Variants in JPT1 observed in about 807,000 individuals in gnomAD.
JPT1 encodes androgen-regulated protein 2.
In JPT1, 5 loss-of-function variants were observed where a neutral mutation model predicts 17.0. That is an observed-to-expected ratio of 0.29 (90% confidence interval 0.15 to 0.62). The LOEUF (loss-of-function observed/expected upper bound fraction) is 0.62. JPT1 is among the 20% of genes least tolerant of loss of function. The probability of loss-of-function intolerance (pLI) is 0.85; values close to 1 mark genes in which losing one functional copy is unlikely to be tolerated. For synonymous variants in JPT1, 71 were observed against 73.6 expected (o/e 0.96, Z 0.18); for missense variants, 158 against 188.1 (o/e 0.84, Z 0.94).
At position 75,154,406 on chromosome 17, in the gene JPT1, G is replaced by A. The variant is rs1381009510; in HGVS notation, c.-9C>T. On this transcript the variant is annotated 5_prime_UTR_variant, in exon 1 of 5. Transcript: ENST00000409753. ...GTGGTGGTTGTGGTCATGGCGCCGAGGAGCGAGGTAGGCTGGCGCCGGAGC... is the reference window on the plus strand; with the variant it reads ...GTGGTGGTTGTGGTCATGGCGCCGAAGAGCGAGGTAGGCTGGCGCCGGAGC... The A allele has an allele frequency of 1.3e-6, 2 of 1,548,400 alleles. No individual in the cohort carries two copies. The highest frequency in any genetic ancestry group is 1.7e-6 in the Non-Finnish European group (2 of 1,145,820).
intron 4 of JPT1, among the ~76,000 whole-genome samples, chr17:75,141,721 G>A (rs2074313054): frequency 6.6e-6 from 1 of 152,042 alleles, no homozygotes; most frequent in Admixed American, 6.6e-5. Context: ...GGACTTAGGA[G>A]TTTGCGACCA....
At chr17:75,140,871 C>T (rs755704712) in intron 4 of JPT1, among the ~76,000 whole-genome samples, 1 of 152,156 alleles carries the variant, frequency 6.6e-6, no homozygotes, top group African/African-American at 2.4e-5. Context: ...GCAGGTGGAT[C>T]ACGAGGTAAG....
chr17:75,140,878 T>C (rs1378714816), intron 4 of JPT1, among the ~76,000 whole-genome samples: 2 of 151,946 alleles, frequency 1.3e-5, no homozygotes, highest in Non-Finnish European at 2.9e-5. Flanking sequence ...GATCACGAGG[T>C]AAGGAGTTCG....
At position 75,148,621 on chromosome 17, in the gene JPT1, T is replaced by G; in HGVS notation, c.107A>C (p.Glu36Ala). 1 of 1,614,130 alleles carries G rather than the reference T, an allele frequency of 6.2e-7. No individual in the cohort carries two copies. Among genetic ancestry groups the G allele is most frequent in the South Asian group, 1.1e-5 (1 of 91,082 alleles). The change falls in exon 2 of 5, where the codon GAA (glutamate) becomes GCA (alanine). Residue 36 changes from glutamate to alanine, a missense_variant. Coordinates refer to ENST00000409753, the MANE Select transcript of JPT1 (RefSeq NM_016185.4). ...CTTCCTCACAGGTTGTTCTGTTGGT[T>G]CATCAAAACCTAATGAAAAATTGGA... ...GGSNFSLGFD[E>A]PTEQPVRKNK... is the part of the protein sequence containing the mutation.
chr17:75,153,147 T>G (rs2074579913), intron 1 of JPT1: 1 of 152,118 alleles, frequency 6.6e-6, no homozygotes, highest in African/African-American at 2.4e-5. Flanking sequence ...CGATGTAAAA[T>G]ACATGCTCAA....
intron 1 of JPT1, among the ~76,000 whole-genome samples, chr17:75,151,386 G>T (rs1005695463): frequency 1.3e-5 from 2 of 151,778 alleles, no homozygotes; most frequent in Non-Finnish European, 2.9e-5. Flanking sequence ...GGTCAGGAGC[G>T]GTGGCTCATG....
rs58993126 is a variant in JPT1, at chr17:75,149,862, TACACAC to T, written c.57-1197_57-1192del. Among the ~76,000 whole-genome samples, 820 of 147,590 alleles carry T rather than the reference TACACAC, an allele frequency of 5.6e-3. 2 individuals carry two copies. Among genetic ancestry groups the T allele is most frequent in the African/African-American group, 7.7e-3 (305 of 39,706 alleles). On this transcript the variant is annotated intron_variant, in intron 1 of 4. Transcript: ENST00000409753. Reference sequence around the variant, plus strand: ...CCCCATCTCTAATCACTTACACACTTACACACACACACACACACACACTTAAGTCAG... The same window carrying T: ...CCCCATCTCTAATCACTTACACACTTACACACACACACACACTTAAGTCAG...
intron 4 of JPT1, among the ~76,000 whole-genome samples, chr17:75,137,664 C>A (rs1418461962): frequency 2.7e-5 from 4 of 148,338 alleles, no homozygotes; most frequent in African/African-American, 1.0e-4. Context: ...CCACCTTCAC[C>A]CTTCACACAG....
At chr17:75,147,945 G>A (rs1325982059) in intron 2 of JPT1, 2 of 367,464 alleles carry the variant, frequency 5.4e-6, no homozygotes, top group Non-Finnish European at 1.0e-5. Flanking sequence ...GTTGTGGTGT[G>A]CCAAGATGGC....
chr17:75,141,897 C>T lies in JPT1; in HGVS notation c.316+4769G>A, dbSNP rs1169643582. ...CAGCCTGGTGAATATGGTGAAACTC[C>T]GTCTCTACTAAAAGTAAAAAAAATA... On this transcript the variant is annotated intron_variant, in intron 4 of 4. Coordinates refer to ENST00000409753, the MANE Select transcript of JPT1 (RefSeq NM_016185.4). Among the ~76,000 whole-genome samples, 3 of 151,370 alleles carry T rather than the reference C, an allele frequency of 2.0e-5. 1 individual carries two copies. The highest frequency in any genetic ancestry group is 4.2e-4 in the South Asian group (2 of 4,768).
At chr17:75,144,996 G>A (rs1265103086) in intron 4 of JPT1, among the ~76,000 whole-genome samples, 1 of 151,748 alleles carries the variant, frequency 6.6e-6, no homozygotes, top group Non-Finnish European at 1.5e-5. Context: ...GAAACACTGT[G>A]AGGCCGGGCG....
rs963129214 is a variant in JPT1 at position 75,146,667 on chromosome 17, A to G, written c.315T>C (p.His105=). Residue 105 remains histidine, a splice_region_variant and synonymous_variant, in exon 4 of 5, where the codon CAT becomes CAC. Transcript: ENST00000409753. The part of the protein sequence containing the change: ...FLDLKGEGDI[H]ENVDTDLPGS... ...AATTTGGTCTTCAGAAGTACTTACC[A>G]TGAATATCACCTTCTCCCTAGAAAA... The G allele has an allele frequency of 1.3e-6, 2 of 1,541,392 alleles. No individual in the cohort carries two copies. Among genetic ancestry groups the G allele is most frequent in the African/African-American group, 2.7e-5 (2 of 73,010 alleles).
intron 1 of JPT1, 130 bp downstream of exon 1, chr17:75,154,212 C>A: frequency 1.6e-6 from 1 of 613,234 alleles, no homozygotes; most frequent in Non-Finnish European, 2.3e-6. Context: ...GGCAGAACCC[C>A]GCCACCCGCC....
At chr17:75,136,431 C>T (rs974976335) in intron 4 of JPT1, among the ~76,000 whole-genome samples, 181 bp from the exon 5 acceptor site, 7 of 152,186 alleles carry the variant, frequency 4.6e-5, no homozygotes, top group Admixed American at 2.6e-4. Context: ...TTCATCTTTT[C>T]CCATATTTGT....
chr17:75,137,937 C>G lies in JPT1; in HGVS notation c.317-1687G>C, dbSNP rs1050816406. Reference sequence around the variant, plus strand: ...TGCTGGGATTACAGGCATTAAGCCACTGCACCCGGCCTAGTTTTCCTTTTT... The same window carrying G: ...TGCTGGGATTACAGGCATTAAGCCAGTGCACCCGGCCTAGTTTTCCTTTTT... On this transcript the variant is annotated intron_variant, in intron 4 of 4. Transcript: ENST00000409753. Among the ~76,000 whole-genome samples the G allele has an allele frequency of 3.9e-5, 6 of 151,992 alleles. No individual in the cohort carries two copies. In the East Asian group the frequency reaches 7.7e-4, roughly 20 times the overall value.
At chr17:75,149,040 TTTC>T in intron 1 of JPT1, 7 of 1,280,332 alleles carry the variant, frequency 5.5e-6, no homozygotes, top group Non-Finnish European at 6.1e-6. Flanking sequence ...TTTAGAAGTA[TTTC>T]TTGTTATTAT....
At chr17:75,139,461 AAAG>A (rs1006119421) in intron 4 of JPT1, among the ~76,000 whole-genome samples, 9 of 152,262 alleles carry the variant, frequency 5.9e-5, no homozygotes, top group Admixed American at 2.0e-4. Flanking sequence ...ACATACTAAT[AAAG>A]AAGAAGAAAA....
intron 4 of JPT1, among the ~76,000 whole-genome samples, chr17:75,141,893 A>C (rs1433210990): frequency 6.6e-6 from 1 of 151,420 alleles, no homozygotes; most frequent in Non-Finnish European, 1.5e-5. Flanking sequence ...ATATGGTGAA[A>C]CTCCGTCTCT....
At chr17:75,145,212 TGAGA>T (rs1568033211) in intron 4 of JPT1, 2 of 107,018 alleles carry the variant, frequency 1.9e-5, no homozygotes, top group Non-Finnish European at 5.1e-5. Flanking sequence ...GAACACTGTG[TGAGA>T]AGGCAGGAGA....
Sources: allele counts gnomAD v4.1 joint callset (sites outside exome capture counted in the v4.1 genomes callset), GRCh38; gene constraint gnomAD v4.1.1; transcripts MANE v1.5; gene names NCBI Gene and HGNC (gene_info 2026-07-23, HGNC 2026-07-21).